PCDHA4: variants seen among roughly 807,000 people sequenced by gnomAD.
PCDHA4 encodes protocadherin alpha 4.
In PCDHA4, 49 loss-of-function variants were observed where a neutral mutation model predicts 61.4. The observed-to-expected ratio is 0.80, with a 90% confidence interval of 0.63 to 1.01. The LOEUF is 1.01. PCDHA4 is among the 50% of genes least tolerant of loss of function. The pLI, the probability that PCDHA4 is intolerant of heterozygous loss-of-function variation, is 0.00. For synonymous variants in PCDHA4, 590 were observed against 550.3 expected, an observed-to-expected ratio of 1.07 and a Z score of -1.01; for missense variants, 1,254 against 1,235.8, an observed-to-expected ratio of 1.01 and a Z score of -0.22.
chr5:140,964,785 C>T (rs890090665), intron 1 of PCDHA4, among the ~76,000 whole-genome samples: 2 of 151,408 alleles, frequency 1.3e-5, no homozygotes, highest in East Asian at 3.9e-4. Context: ...GAGGAAGAAG[C>T]CAGAGACCCA....
chr5:140,835,559 C>T, intron 1 of PCDHA4: 1 of 1,613,922 alleles, frequency 6.2e-7, no homozygotes, highest in Non-Finnish European at 8.5e-7. Flanking sequence ...TGACGCCCCG[C>T]GTTCCCTTCA....
In PCDHA4 at chr5:140,854,136, C is replaced by T. The variant is rs1341561455; in HGVS notation, c.2385+44564C>T. 15 of 398,606 alleles carry T rather than the reference C, an allele frequency of 3.8e-5. 1 individual carries two copies. The highest frequency in any genetic ancestry group is 1.0e-4 in the South Asian group (1 of 9,692). 24.7% of individuals were successfully genotyped at this position (398,606 alleles called of 1,614,324 possible). ...GTGATGGCACAACTGCATTTCAGCCCGGGTGACAGCAAGATTCTGTCTCAA... is the reference window on the plus strand; with the variant it reads ...GTGATGGCACAACTGCATTTCAGCCTGGGTGACAGCAAGATTCTGTCTCAA... On this transcript the variant is annotated intron_variant, in intron 1 of 3. Transcript: ENST00000530339.
intron 1 of PCDHA4, among the ~76,000 whole-genome samples, chr5:140,973,831 C>T (rs1212841510): frequency 1.3e-5 from 2 of 152,214 alleles, no homozygotes; most frequent in African/African-American, 4.8e-5. Flanking sequence ...GTTCTGGGTA[C>T]TTGCTTGTTG....
chr5:140,916,475 C>T (rs2077583115), intron 1 of PCDHA4, among the ~76,000 whole-genome samples: 1 of 152,206 alleles, frequency 6.6e-6, no homozygotes, highest in South Asian at 2.1e-4. Flanking sequence ...TTATTTGGTG[C>T]CCAAGGGCTC....
At chr5:140,999,713 G>A (rs533034174) in intron 3 of PCDHA4, among the ~76,000 whole-genome samples, 2 of 152,226 alleles carry the variant, frequency 1.3e-5, no homozygotes, top group South Asian at 4.2e-4. Flanking sequence ...AGCTAACTAC[G>A]GAGACCAGCC....
intron 1 of PCDHA4, among the ~76,000 whole-genome samples, chr5:140,887,955 C>A (rs568878730): frequency 4.4e-4 from 67 of 152,206 alleles, no homozygotes; most frequent in African/African-American, 1.6e-3. Flanking sequence ...GTATAAGATT[C>A]TTTTTGTCTC....
chr5:140,890,192 T>G (rs2062533503), intron 1 of PCDHA4, among the ~76,000 whole-genome samples: 1 of 151,744 alleles, frequency 6.6e-6, no homozygotes, highest in South Asian at 2.1e-4. Flanking sequence ...CAAAACAGAG[T>G]TTTTTGTTTT....
intron 1 of PCDHA4, chr5:140,855,800 A>C: frequency 2.1e-6 from 1 of 475,828 alleles, no homozygotes; most frequent in Non-Finnish European, 3.7e-6. Context: ...TAACATATGA[A>C]TGAAAGAAAA....
intron 3 of PCDHA4, among the ~76,000 whole-genome samples, chr5:140,998,290 C>T (rs782194130): frequency 3.9e-5 from 6 of 152,180 alleles, no homozygotes; most frequent in Admixed American, 2.6e-4. Context: ...TAAATCAGAT[C>T]ACACATTTAG....
chr5:140,870,729 G>T (rs782392672), intron 1 of PCDHA4: 7 of 1,613,306 alleles, frequency 4.3e-6, no homozygotes, highest in Non-Finnish European at 5.1e-6. Flanking sequence ...CGGGCGTGCC[G>T]CCTCTGAGCA....
At position 141,010,553 on chromosome 5, in the gene PCDHA4, C is replaced by T; in HGVS notation, c.*616C>T. ...CCACCCTCTAGGAGACAAAACTACC[C>T]CCACTGACAAGGCTTTAGGAGACCC... is the stretch of plus-strand genomic sequence containing the variant. On this transcript the variant is annotated 3_prime_UTR_variant, in exon 4 of 4. Transcript: ENST00000530339. The T allele has an allele frequency of 6.2e-6, 2 of 323,850 alleles. No homozygotes were observed. The highest frequency in any genetic ancestry group is 1.1e-5 in the Non-Finnish European group (2 of 176,368). 20.1% of individuals were successfully genotyped at this position (323,850 alleles called of 1,614,324 possible). A position where few individuals can be genotyped will look rare whatever the true frequency, so the allele number is the denominator to read the frequency against.
At chr5:140,828,370 G>A (rs2150154603) in intron 1 of PCDHA4, 1 of 1,614,292 alleles carries the variant, frequency 6.2e-7, no homozygotes, top group South Asian at 1.1e-5. Context: ...TCGACCGCGA[G>A]GAGCTGTGCG....
chr5:140,942,713 T>C (rs2093359728), intron 1 of PCDHA4, among the ~76,000 whole-genome samples: 2 of 152,208 alleles, frequency 1.3e-5, no homozygotes, highest in Non-Finnish European at 1.5e-5. Flanking sequence ...AGTAAAAGTA[T>C]GAAATTTTGT....
intron 1 of PCDHA4, chr5:140,966,994 C>T: frequency 6.2e-7 from 1 of 1,604,620 alleles, no homozygotes; most frequent in Non-Finnish European, 8.5e-7. Context: ...GGCCGGGTTG[C>T]TTGCGCATCA....
chr5:140,858,481 T>C (rs782180300), intron 1 of PCDHA4: 5 of 1,507,736 alleles, frequency 3.3e-6, no homozygotes, highest in Non-Finnish European at 4.5e-6. Flanking sequence ...TTATGAATAA[T>C]ATTTTCTCTT....
rs782467193 is a variant in PCDHA4, at chr5:140,884,498, G to A, written c.2385+74926G>A. 8.1e-6 allele frequency: 13 copies of A among 1,613,958 alleles called. No homozygotes were observed. The Admixed American group carries it at 8.3e-5, about 10-fold the overall frequency. On this transcript the variant is annotated intron_variant, in intron 1 of 3. Transcript: ENST00000530339. ...CAAGCCCACTCTAGTGTGCTCCAGC[G>A]CGGCAGGGAGTTGGTCGTACTCGCA...
At chr5:140,934,100 T>C (rs554832439) in intron 1 of PCDHA4, among the ~76,000 whole-genome samples, 3 of 152,280 alleles carry the variant, frequency 2.0e-5, no homozygotes, top group Non-Finnish European at 4.4e-5. Context: ...GTTTGCTTTC[T>C]ATTTTATTAA....
intron 1 of PCDHA4, among the ~76,000 whole-genome samples, chr5:140,959,712 T>A (rs166567): frequency 0.25 from 37,822 of 152,086 alleles, 5,932 homozygotes; most frequent in African/African-American, 0.45. Flanking sequence ...AAAGGGAAAA[T>A]TTTTAGATAA....
chr5:140,891,330 T>C (rs995602420), intron 1 of PCDHA4, among the ~76,000 whole-genome samples: 1 of 152,108 alleles, frequency 6.6e-6, no homozygotes, highest in Non-Finnish European at 1.5e-5. Flanking sequence ...TGGTGGTGAT[T>C]TGTGAGATTT....
Sources: allele counts gnomAD v4.1 joint callset (sites outside exome capture counted in the v4.1 genomes callset), GRCh38; gene constraint gnomAD v4.1.1; transcripts MANE v1.5; gene names NCBI Gene and HGNC (gene_info 2026-07-23, HGNC 2026-07-21).